Variants in ANK3 observed in about 807,000 individuals in gnomAD.
The protein encoded by ANK3 is ankyrin 3, also known as ankyrin-3.
ANK3 carries 57 observed loss-of-function variants against 370.9 expected under a neutral mutation model. The ratio of observed to expected loss-of-function variants is 0.15; its 90% CI spans 0.12 to 0.19. The LOEUF is 0.19. ANK3 is among the 10% of genes least tolerant of loss of function. The pLI, the probability that ANK3 is intolerant of heterozygous loss-of-function variation, is 1.00. For missense variants in ANK3, 4,439 were observed against 5,302.1 expected, an observed-to-expected ratio of 0.84 and a Z score of 5.06; for synonymous variants, 1,929 against 1,946.3, an observed-to-expected ratio of 0.99 and a Z score of 0.23.
chr10:60,588,160 T>TTTATTATTATTATTATTATTATTA (rs147944306), intron 2 of ANK3, among the ~76,000 whole-genome samples: 2 of 141,112 alleles, frequency 1.4e-5, no homozygotes, highest in Admixed American at 7.2e-5. Context: ...TTTCTCAGTT[T>TTTATTATTATTATTATTATTATTA]TTATTATTAT....
chr10:60,687,361 AG>A (rs1486577981), intron 1 of ANK3, among the ~76,000 whole-genome samples: 1 of 152,224 alleles, frequency 6.6e-6, no homozygotes, highest in Non-Finnish European at 1.5e-5. Flanking sequence ...ATAAACACCT[AG>A]GAACCTGATT....
intron 2 of ANK3, among the ~76,000 whole-genome samples, chr10:60,521,722 G>A (rs1175083625): frequency 6.6e-6 from 1 of 152,012 alleles, no homozygotes; most frequent in African/African-American, 2.4e-5. Flanking sequence ...GGCCCAATTT[G>A]AAATAACTTT....
chr10:60,159,409 C>A (rs115097261), intron 23 of ANK3, among the ~76,000 whole-genome samples: 220 of 152,220 alleles, frequency 1.4e-3, no homozygotes, highest in African/African-American at 5.2e-3. Context: ...AATGCTGGAG[C>A]ACCCGTATAT....
rs76654028 is a variant in ANK3 at position 60,462,584 on chromosome 10, C to CT, written c.96+152601dup. On this transcript the variant is annotated intron_variant, in intron 2 of 43. Transcript: ENST00000373827. ...GTGATCAGATCAACAAAAAATTTAG[C>CT]TTTTTTTTTTTTTTTAAAGAGATGG... Among the ~76,000 whole-genome samples, 389 of 140,654 alleles carry CT rather than the reference C, an allele frequency of 2.8e-3. 3 individuals are homozygous for CT. The highest frequency in any genetic ancestry group is 7.1e-3 in the Middle Eastern group (2 of 280). The allele number at this position is 140,654 out of a possible 152,430, so 92.3% of individuals were successfully genotyped here.
At chr10:60,183,231 T>C (rs534656371) in intron 17 of ANK3, among the ~76,000 whole-genome samples, 2 of 152,346 alleles carry the variant, frequency 1.3e-5, no homozygotes, top group Non-Finnish European at 2.9e-5. Context: ...CTATTACAAA[T>C]ATCATAATCC....
chr10:60,592,067 C>T (rs1351214064), intron 2 of ANK3, among the ~76,000 whole-genome samples: 1 of 152,012 alleles, frequency 6.6e-6, no homozygotes, highest in Admixed American at 6.5e-5. Flanking sequence ...TTTGAAATAA[C>T]AAAGAATGTA....
At chr10:60,300,383 A>G (rs2043430884) in intron 1 of ANK3, 3 of 1,289,656 alleles carry the variant, frequency 2.3e-6, no homozygotes, top group Non-Finnish European at 3.0e-6. Flanking sequence ...AAACCTGATA[A>G]CTCAATTAGT....
At chr10:60,178,799 C>T (rs972277364) in intron 18 of ANK3, among the ~76,000 whole-genome samples, 1 of 152,178 alleles carries the variant, frequency 6.6e-6, no homozygotes, top group Non-Finnish European at 1.5e-5. Flanking sequence ...TAAAATGCTT[C>T]CGGACATTAT....
At chr10:60,611,900 G>A (rs573530500) in intron 2 of ANK3, among the ~76,000 whole-genome samples, 2 of 151,412 alleles carry the variant, frequency 1.3e-5, no homozygotes, top group South Asian at 2.1e-4. Flanking sequence ...GAAGTGGGGC[G>A]AAGAAATGGG....
chr10:60,114,617 A>G (rs1443905673), intron 25 of ANK3, among the ~76,000 whole-genome samples: 1 of 152,246 alleles, frequency 6.6e-6, no homozygotes, highest in African/African-American at 2.4e-5. Context: ...TTTTAAGCAC[A>G]TGTCACATTT....
chr10:60,172,864 C>G (rs779413762), intron 20 of ANK3, 36 bp downstream of exon 20: 4 of 1,420,952 alleles, frequency 2.8e-6, no homozygotes, highest in Non-Finnish European at 4.0e-6. Flanking sequence ...CCATCTATCT[C>G]CTCCCTCTTC....
chr10:60,186,925 A>G lies in ANK3; in HGVS notation c.1888-13T>C, dbSNP rs2096351771. 1 of 1,613,574 alleles carries G rather than the reference A, an allele frequency of 6.2e-7. No homozygotes were observed. The highest frequency in any genetic ancestry group is 1.1e-5 in the South Asian group (1 of 91,052). ...GCGTATAACCATTCTGTCAACACAA[A>G]TCACTTGGTCACATGCCCAGGAACA... On this transcript the variant is annotated splice_polypyrimidine_tract_variant and intron_variant, in intron 16 of 43. Transcript: ENST00000280772.
chr10:60,694,772 A>G (rs1328965426), intron 1 of ANK3, among the ~76,000 whole-genome samples: 2 of 151,886 alleles, frequency 1.3e-5, no homozygotes, highest in Admixed American at 1.3e-4. Context: ...AGGAACAACC[A>G]GTACCAGCCA....
chr10:60,265,572 A>ATT (rs34322676), intron 5 of ANK3, among the ~76,000 whole-genome samples: 3 of 149,832 alleles, frequency 2.0e-5, no homozygotes, highest in South Asian at 4.2e-4. Flanking sequence ...TCAAAAGGGC[A>ATT]TTTTTTTTTT....
Position 60,070,423 on chromosome 10 carries a change from TGAA to T in ANK3, c.10455_10457del (p.Ser3487del). On this transcript the variant is annotated inframe_deletion, in exon 37 of 44. Coordinates refer to ENST00000280772, the MANE Select transcript of ANK3 (RefSeq NM_020987.5). The surrounding 1 kb of genome is among the most constrained non-coding windows in gnomAD (Gnocchi z 5.7). ...CAGTCTTATCAGGAGTCTTTTCAGA[TGAA>T]GAACTTTTAGAAGGTGGCTTGTCCT... is the stretch of plus-strand genomic sequence containing the variant. The T allele has an allele frequency of 6.2e-7, 1 of 1,614,100 alleles. No homozygotes were observed. Among genetic ancestry groups the T allele is most frequent in the Non-Finnish European group, 8.5e-7 (1 of 1,180,004 alleles).
chr10:60,710,775 T>C (rs930748684), intron 1 of ANK3, among the ~76,000 whole-genome samples: 1 of 152,116 alleles, frequency 6.6e-6, no homozygotes, highest in Admixed American at 6.5e-5. Flanking sequence ...CCAGAAAAAA[T>C]GGTGGTGTAG....
chr10:60,554,363 G>T (rs191843881), intron 2 of ANK3, among the ~76,000 whole-genome samples: 1 of 152,118 alleles, frequency 6.6e-6, no homozygotes, highest in African/African-American at 2.4e-5. Context: ...CACCATAAAC[G>T]CAGGTAAGCA....
Position 60,073,176 on chromosome 10 carries a change from C to T in ANK3, c.7705G>A (p.Glu2569Lys). Residue 2569 changes from glutamate (E) to lysine (K), a missense_variant, in exon 37 of 44, where the codon GAG becomes AAG. Physicochemically the swap from Glu to Lys is moderately conservative, Grantham distance 56 (BLOSUM62 1). Transcript: ENST00000280772. Reference sequence around the variant, plus strand: ...ACCCTATCTTCATATATCAACTTCTCTCTACCTCTGTCTAATCTGTCCTCA... The same window carrying T: ...ACCCTATCTTCATATATCAACTTCTTTCTACCTCTGTCTAATCTGTCCTCA... ...FTEDRLDRGR[E>K]KLIYEDRVDR... 1 of 1,614,166 alleles carries T rather than the reference C, an allele frequency of 6.2e-7. No homozygotes were observed. Among genetic ancestry groups the T allele is most frequent in the Non-Finnish European group, 8.5e-7 (1 of 1,180,012 alleles).
chr10:60,514,154 T>C (rs1272351261), intron 2 of ANK3, among the ~76,000 whole-genome samples: 2 of 152,136 alleles, frequency 1.3e-5, no homozygotes, highest in East Asian at 1.9e-4. Context: ...ATGCAAAATA[T>C]GTGTTAGTTG....
Sources: gnomAD v4.1 joint callset for allele counts (sites outside exome capture counted in the v4.1 genomes callset) on GRCh38, gnomAD v4.1.1 for gene constraint, Gnocchi (gnomAD v3.1) non-coding constraint, MANE v1.5 for transcripts, NCBI Gene and HGNC (gene_info 2026-07-23, HGNC 2026-07-21) for gene names.